The following ZNF548 variants were observed in gnomAD, a reference collection of about 807,000 sequenced individuals.
ZNF548 encodes zinc finger protein 548.
Under a neutral mutation model 10.2 loss-of-function variants are expected in ZNF548, and 10 were observed. The observed-to-expected ratio is 0.98, with a 90% CI of 0.60 to 1.66. The LOEUF is 1.66. Ranked by LOEUF, ZNF548 falls within the 40% of genes most tolerant of loss-of-function variation. ZNF548 has a pLI of 0.00. For synonymous variants in ZNF548, 217 were observed against 223.5 expected, an observed-to-expected ratio of 0.97 and a Z score of 0.26; for missense variants, 599 against 657.0, an observed-to-expected ratio of 0.91 and a Z score of 0.97.
chr19:57,392,770 T>C (rs1463180678), intron 1 of ZNF548: 5 of 985,316 alleles, frequency 5.1e-6, no homozygotes, highest in African/African-American at 1.7e-5. Flanking sequence ...ATGGACTTAA[T>C]TTGAGGGAAA....
At chr19:57,391,327 T>G (rs1490268159) in intron 1 of ZNF548, among the ~76,000 whole-genome samples, 1 of 151,854 alleles carries the variant, frequency 6.6e-6, no homozygotes, top group Non-Finnish European at 1.5e-5. Flanking sequence ...CTAGTGGTAT[T>G]ACCTTGTGTA....
rs10407882 is a variant in ZNF548, at chr19:57,402,504, C to T, written c.*2615C>T. On this transcript the variant is annotated 3_prime_UTR_variant, in exon 4 of 4. Transcript: ENST00000336128. Reference sequence around the variant, plus strand: ...CTCTGTGGGACCCTACCCAAGTTCTCTCATTCTTAGCTATAGGTAATAAAT... The same window carrying T: ...CTCTGTGGGACCCTACCCAAGTTCTTTCATTCTTAGCTATAGGTAATAAAT... 0.25 allele frequency: 38,507 copies of T among 152,196 alleles called. 5,142 individuals carry two copies. The highest frequency in any genetic ancestry group is 0.3 in the African/African-American group (12,402 of 41,502). The allele number at this position is 152,196 out of a possible 1,614,324, so 9.4% of individuals were successfully genotyped here. A position where few individuals can be genotyped will look rare whatever the true frequency, so the allele number is the denominator to read the frequency against.
In ZNF548 at chr19:57,399,203, G is replaced by A; in HGVS notation, c.952G>A (p.Glu318Lys). ...FVRHQRVHTGERPYECRECGK... is the reference protein window; with the variant it reads ...FVRHQRVHTGKRPYECRECGK... ...TAGACATCAGAGAGTTCACACCGGA[G>A]AAAGGCCGTATGAGTGCAGGGAATG... The change falls in exon 4 of 4, where the codon GAA becomes AAA. Residue 318 changes from glutamate to lysine, a missense_variant. Transcript: ENST00000336128. This position sits in a 1 kb window ranked among gnomAD's most constrained non-coding sequence, Gnocchi z 4.0. The A allele has an allele frequency of 1.1e-5, 18 of 1,614,128 alleles. No homozygotes were observed. Among genetic ancestry groups the A allele is most frequent in the Non-Finnish European group, 1.5e-5 (18 of 1,179,984 alleles).
In ZNF548 at chr19:57,399,246, A is replaced by T; in HGVS notation, c.995A>T (p.Asp332Val). The T allele has an allele frequency of 6.2e-7, 1 of 1,614,104 alleles. No individual in the cohort carries two copies. The highest frequency in any genetic ancestry group is 1.3e-5 in the African/African-American group (1 of 75,028). The change falls in exon 4 of 4, where the codon GAC (aspartate) becomes GTC (valine). Residue 332 changes from aspartate to valine, a missense_variant. Asp to Val is a radical substitution (Grantham distance 152). Transcript: ENST00000336128. The surrounding 1 kb of genome is among the most constrained non-coding windows in gnomAD (Gnocchi z 4.0). ...ECRECGKFFM[D>V]SSTLIKHQRV... ...AGGGAATGTGGGAAATTCTTTATGG[A>T]CAGCTCCACACTCATTAAACATCAG...
At position 57,402,466 on chromosome 19, in the gene ZNF548, T is replaced by G. The variant is rs1177949500; in HGVS notation, c.*2577T>G. On this transcript the variant is annotated 3_prime_UTR_variant, in exon 4 of 4. Transcript: ENST00000336128. ...CAGCCTCAGGTTGCTGTTACTGTGT[T>G]TCAGATGCAACCCTCTGTGGGACCC... is the stretch of plus-strand genomic sequence containing the variant. 1 of 152,242 alleles carries G rather than the reference T, an allele frequency of 6.6e-6. No individual in the cohort carries two copies. Among genetic ancestry groups the G allele is most frequent in the Non-Finnish European group, 1.5e-5 (1 of 68,040 alleles). The allele number at this position is 152,242 out of a possible 1,614,324, so 9.4% of individuals were successfully genotyped here. A position where few individuals can be genotyped will look rare whatever the true frequency, so the allele number is the denominator to read the frequency against.
rs1167835588 is a variant in ZNF548 at position 57,394,069 on chromosome 19, T to G, written c.16-119T>G. The G allele has an allele frequency of 2.7e-6, 3 of 1,122,178 alleles. No individual in the cohort carries two copies. The African/African-American group carries it at 4.7e-5, about 18-fold the overall frequency. The allele number at this position is 1,122,178 out of a possible 1,614,324, so 69.5% of individuals were successfully genotyped here. ...GCTGCAGCACTGAGGCCTGAGGAAC[T>G]TTATTCAATGAATTGAGATCAGTTT... On this transcript the variant is annotated intron_variant, in intron 1 of 3. Transcript: ENST00000336128.
In ZNF548 at chr19:57,390,081, G is replaced by C; in HGVS notation, c.-19G>C. 1 of 1,608,770 alleles carries C rather than the reference G, an allele frequency of 6.2e-7. No homozygotes were observed. Among genetic ancestry groups the C allele is most frequent in the Non-Finnish European group, 8.5e-7 (1 of 1,179,270 alleles). ...TCCCGCCCCGCTCTTCCCTGGCTGGGCTGGCGGAGGCCTTGCTGATGAACC... is the reference window on the plus strand; with the variant it reads ...TCCCGCCCCGCTCTTCCCTGGCTGGCCTGGCGGAGGCCTTGCTGATGAACC... On this transcript the variant is annotated 5_prime_UTR_variant, in exon 1 of 4. Coordinates refer to ENST00000336128, the MANE Select transcript of ZNF548 (RefSeq NM_001172773.2).
rs1229031799 is a variant in ZNF548, at chr19:57,401,749, T to A, written c.*1860T>A. On this transcript the variant is annotated 3_prime_UTR_variant, in exon 4 of 4. Coordinates refer to ENST00000336128, the MANE Select transcript of ZNF548 (RefSeq NM_001172773.2). The stretch of plus-strand genomic sequence containing the variant: ...TTACATTTAGGTCTTTTTTTTTTTT[T>A]TCTTTTGGAGGCAGAGTCTTGCTCT... 1 of 152,048 alleles carries A rather than the reference T, an allele frequency of 6.6e-6. No homozygotes were observed. The highest frequency in any genetic ancestry group is 1.5e-5 in the Non-Finnish European group (1 of 67,998). 9.4% of individuals were successfully genotyped at this position (152,048 alleles called of 1,614,324 possible). A position where few individuals can be genotyped will look rare whatever the true frequency, so the allele number is the denominator to read the frequency against.
intron 1 of ZNF548, chr19:57,393,005 T>C (rs763115267): frequency 1.6e-5 from 16 of 983,950 alleles, no homozygotes; most frequent in Non-Finnish European, 1.9e-5. Flanking sequence ...ATCCTGCACC[T>C]GCAGGCTTGG....
chr19:57,395,596 A>C lies in ZNF548; in HGVS notation c.51+1373A>C, dbSNP rs1271694564. Among the ~76,000 whole-genome samples, 1 of 152,144 alleles carries C rather than the reference A, an allele frequency of 6.6e-6. No individual in the cohort carries two copies. Among genetic ancestry groups the C allele is most frequent in the African/African-American group, 2.4e-5 (1 of 41,436 alleles). ...GAGAATGAAGGGGGAAGAGCCAAAC[A>C]CTTTTAAACAACCAGATCTCGTGAG... On this transcript the variant is annotated intron_variant, in intron 2 of 3. Transcript: ENST00000336128. This position sits in a 1 kb window ranked among gnomAD's most constrained non-coding sequence, Gnocchi z 4.8.
Position 57,401,624 on chromosome 19 carries a change from A to C in ZNF548, c.*1735A>C, listed in dbSNP as rs887124272. ...CATTTTATCTATTTTTACTTCTGTTACCTGGGCTTTTGATGTTATATATTA... is the reference window on the plus strand; with the variant it reads ...CATTTTATCTATTTTTACTTCTGTTCCCTGGGCTTTTGATGTTATATATTA... On this transcript the variant is annotated 3_prime_UTR_variant, in exon 4 of 4. Transcript: ENST00000336128. The C allele has an allele frequency of 3.3e-5, 5 of 152,084 alleles. No individual in the cohort carries two copies. Among genetic ancestry groups the C allele is most frequent in the Non-Finnish European group, 2.9e-5 (2 of 68,010 alleles). 9.4% of individuals were successfully genotyped at this position (152,084 alleles called of 1,614,324 possible).
intron 1 of ZNF548, chr19:57,390,938 T>G (rs999190404): frequency 1.3e-5 from 2 of 152,140 alleles, no homozygotes; most frequent in African/African-American, 2.4e-5. Flanking sequence ...TCAGATTGAG[T>G]AGGTCGGTCT....
intron 3 of ZNF548, among the ~76,000 whole-genome samples, 197 bp from the exon 4 acceptor site, chr19:57,398,233 A>G (rs1380757696): frequency 6.6e-6 from 1 of 152,172 alleles, no homozygotes; most frequent in Non-Finnish European, 1.5e-5. Flanking sequence ...TATGCTTACC[A>G]TCATCAGGGC....
chr19:57,396,631 G>C lies in ZNF548; in HGVS notation c.52-417G>C, dbSNP rs558065616. Among the ~76,000 whole-genome samples, 7 of 152,230 alleles carry C rather than the reference G, an allele frequency of 4.6e-5. No homozygotes were observed. In the East Asian group the frequency reaches 1.2e-3, roughly 25 times the overall value. ...ATTTATTCCTTGCATTTCCCCAAGGGGGGTACATACCACATAACACAGGGC... is the reference window on the plus strand; with the variant it reads ...ATTTATTCCTTGCATTTCCCCAAGGCGGGTACATACCACATAACACAGGGC... On this transcript the variant is annotated intron_variant, in intron 2 of 3. Coordinates refer to ENST00000336128, the MANE Select transcript of ZNF548 (RefSeq NM_001172773.2).
Position 57,398,414 on chromosome 19 carries a change from A to G in ZNF548, c.179-16A>G, listed in dbSNP as rs757256669. 1.9e-6 allele frequency: 3 copies of G among 1,607,242 alleles called. No homozygotes were observed. Among genetic ancestry groups the G allele is most frequent in the African/African-American group, 2.7e-5 (2 of 74,776 alleles). The stretch of plus-strand genomic sequence containing the variant: ...CAGAGTCAACATGCACTTCTCCAGC[A>G]TTTCTGTTCTGACAGGTTCTTGGCA... On this transcript the variant is annotated splice_polypyrimidine_tract_variant and intron_variant, in intron 3 of 3. Transcript: ENST00000336128.
At position 57,402,097 on chromosome 19, in the gene ZNF548, C is replaced by T. The variant is rs1005821274; in HGVS notation, c.*2208C>T. The T allele has an allele frequency of 2.0e-5, 3 of 152,130 alleles. No homozygotes were observed. Among genetic ancestry groups the T allele is most frequent in the Non-Finnish European group, 2.9e-5 (2 of 68,032 alleles). The allele number at this position is 152,130 out of a possible 1,614,324, so 9.4% of individuals were successfully genotyped here. Reference sequence around the variant, plus strand: ...GTTCATTTTTGCATATGGTTTAAGGCAAAAGTCCACTTTATGTGGCTATCC... The same window carrying T: ...GTTCATTTTTGCATATGGTTTAAGGTAAAAGTCCACTTTATGTGGCTATCC... On this transcript the variant is annotated 3_prime_UTR_variant, in exon 4 of 4. Transcript: ENST00000336128.
intron 1 of ZNF548, among the ~76,000 whole-genome samples, chr19:57,393,436 G>A (rs2088640908): frequency 6.6e-6 from 1 of 151,712 alleles, no homozygotes; most frequent in Non-Finnish European, 1.5e-5. Flanking sequence ...CGAGGTGGGT[G>A]GATCACCTGT....
At position 57,398,410 on chromosome 19, in the gene ZNF548, C is replaced by T. The variant is rs764109645; in HGVS notation, c.179-20C>T. On this transcript the variant is annotated intron_variant, in intron 3 of 3. Transcript: ENST00000336128. ...CCACCAGAGTCAACATGCACTTCTC[C>T]AGCATTTCTGTTCTGACAGGTTCTT... The T allele has an allele frequency of 3.1e-6, 5 of 1,606,670 alleles. No homozygotes were observed. The highest frequency in any genetic ancestry group is 3.3e-5 in the Admixed American group (2 of 59,790).
intron 1 of ZNF548, chr19:57,390,431 G>T: frequency 3.1e-6 from 1 of 324,142 alleles, no homozygotes; most frequent in Non-Finnish European, 5.7e-6. Flanking sequence ...TCAAGGGAGG[G>T]ACAGTTGGAG....
Sources: gnomAD v4.1 joint callset for allele counts (sites outside exome capture counted in the v4.1 genomes callset) on GRCh38, gnomAD v4.1.1 for gene constraint, Gnocchi (gnomAD v3.1) non-coding constraint, MANE v1.5 for transcripts, NCBI Gene and HGNC (gene_info 2026-07-23, HGNC 2026-07-21) for gene names.